The following ZBTB44 variants were observed in gnomAD, a reference collection of about 807,000 sequenced individuals.
ZBTB44 encodes zinc finger and BTB domain-containing protein 44.
ZBTB44 carries 15 observed loss-of-function variants against 54.0 expected under a neutral mutation model. The observed-to-expected ratio is 0.28, with a 90% confidence interval of 0.19 to 0.43. ZBTB44 has a LOEUF of 0.43. Ranked by LOEUF, ZBTB44 falls within the 20% of genes least tolerant of loss-of-function variation. The pLI is 1.00. For missense variants in ZBTB44, 487 were observed against 707.1 expected, an observed-to-expected ratio of 0.69 and a Z score of 3.53; for synonymous variants, 230 against 250.1, an observed-to-expected ratio of 0.92 and a Z score of 0.76.
At chr11:130,300,881 T>C (rs1341021638) in intron 1 of ZBTB44, among the ~76,000 whole-genome samples, 6 of 152,132 alleles carry the variant, frequency 3.9e-5, no homozygotes, top group Non-Finnish European at 8.8e-5. Context: ...GTTCTAAAAA[T>C]AGAGCAAGGG....
chr11:130,300,903 C>T (rs148153030), intron 1 of ZBTB44, among the ~76,000 whole-genome samples: 2 of 151,948 alleles, frequency 1.3e-5, no homozygotes, highest in Non-Finnish European at 2.9e-5. Context: ...GTTAGCTGGA[C>T]AAAAGTAAGG....
At chr11:130,295,801 T>A (rs574943222) in intron 1 of ZBTB44, 2 of 1,426,562 alleles carry the variant, frequency 1.4e-6, no homozygotes, top group East Asian at 4.6e-5. Flanking sequence ...CAGGAATGCA[T>A]GCGGAGTCCT....
At chr11:130,290,014 T>A (rs2134351205) in intron 1 of ZBTB44, among the ~76,000 whole-genome samples, 1 of 152,356 alleles carries the variant, frequency 6.6e-6, no homozygotes, top group Non-Finnish European at 1.5e-5. Flanking sequence ...CCCTTGAATT[T>A]GTGAATGATA....
chr11:130,308,522 T>C (rs1425853417), intron 1 of ZBTB44, among the ~76,000 whole-genome samples: 2 of 152,178 alleles, frequency 1.3e-5, no homozygotes, highest in Non-Finnish European at 2.9e-5. Context: ...AAGATACTAG[T>C]AGCAATGTCA....
intron 1 of ZBTB44, among the ~76,000 whole-genome samples, chr11:130,301,367 G>A (rs9971383): frequency 0.033 from 5,010 of 152,290 alleles, 255 homozygotes; most frequent in African/African-American, 0.11. Context: ...AAAATAACAC[G>A]TGGAGGCCGA....
intron 1 of ZBTB44, among the ~76,000 whole-genome samples, chr11:130,271,447 C>T (rs755971886): frequency 7.2e-5 from 11 of 152,140 alleles, no homozygotes; most frequent in African/African-American, 2.2e-4. Context: ...AAAGATTACT[C>T]GGGGTATGTC....
chr11:130,288,396 T>A (rs1221785665), intron 1 of ZBTB44, among the ~76,000 whole-genome samples: 176 of 149,946 alleles, frequency 1.2e-3, no homozygotes, highest in African/African-American at 4.2e-3. Flanking sequence ...AATAAATAAA[T>A]AAAATAAAAT....
intron 2 of ZBTB44, among the ~76,000 whole-genome samples, chr11:130,258,136 A>G (rs552004106): frequency 3.3e-5 from 5 of 152,250 alleles, no homozygotes; most frequent in Non-Finnish European, 4.4e-5. Context: ...ACTAAGGAAG[A>G]AAAAAGCAAC....
chr11:130,311,451 C>T (rs1261559204), intron 1 of ZBTB44, among the ~76,000 whole-genome samples: 1 of 152,118 alleles, frequency 6.6e-6, no homozygotes, highest in African/African-American at 2.4e-5. Flanking sequence ...TCAAGCAATC[C>T]TTCCACCTCG....
At chr11:130,238,638 G>C in intron 3 of ZBTB44, 31 bp from the exon 4 acceptor site, 1 of 1,591,200 alleles carries the variant, frequency 6.3e-7, no homozygotes, top group Non-Finnish European at 8.5e-7. Context: ...AAGGCAACCA[G>C]GCTCTGATTT....
rs375647972 is a variant in ZBTB44, at chr11:130,275,637, AT to A, written c.-56-13709del. On this transcript the variant is annotated intron_variant, in intron 1 of 7. Coordinates refer to ENST00000357899, the MANE Select transcript of ZBTB44 (RefSeq NM_001301098.2). ...CATATGGTCTCAGAACATAATCTCC[AT>A]TTTTTTTTGAGACAGAGTCTCACTC... is the stretch of plus-strand genomic sequence containing the variant. 8.7e-3 allele frequency among the ~76,000 whole-genome samples: 1,304 copies of A among 150,704 alleles called. 21 individuals carry two copies. The highest frequency in any genetic ancestry group is 0.029 in the African/African-American group (1,181 of 41,224).
At chr11:130,244,492 C>G (rs1591941343) in intron 2 of ZBTB44, among the ~76,000 whole-genome samples, 1 of 151,808 alleles carries the variant, frequency 6.6e-6, no homozygotes, top group Middle Eastern at 3.4e-3. Context: ...ACGGTGAAAC[C>G]CCATCTCTAC....
intron 1 of ZBTB44, among the ~76,000 whole-genome samples, chr11:130,287,983 A>C (rs1941070661): frequency 6.6e-6 from 1 of 151,924 alleles, no homozygotes; most frequent in East Asian, 1.9e-4. Context: ...AAAAAAAAGA[A>C]AGAAAAAGGC....
Position 130,230,472 on chromosome 11 carries a change from G to A in ZBTB44, c.*1292C>T, listed in dbSNP as rs1953838934. On this transcript the variant is annotated 3_prime_UTR_variant, in exon 8 of 8. Transcript: ENST00000357899. The stretch of plus-strand genomic sequence containing the variant: ...GAACAAAGGGCATGTGTCGTAACAG[G>A]GGATCTAATTACTGTAAGCCAGAAT... 1 of 143,272 alleles carries A rather than the reference G, an allele frequency of 7.0e-6. No homozygotes were observed. The highest frequency in any genetic ancestry group is 2.6e-5 in the African/African-American group (1 of 38,394). 8.9% of individuals were successfully genotyped at this position (143,272 alleles called of 1,614,324 possible). A position where few individuals can be genotyped will look rare whatever the true frequency, so the allele number is the denominator to read the frequency against.
At chr11:130,282,151 A>G (rs1049903942) in intron 1 of ZBTB44, among the ~76,000 whole-genome samples, 1 of 152,212 alleles carries the variant, frequency 6.6e-6, no homozygotes, top group African/African-American at 2.4e-5. Flanking sequence ...AATATACACA[A>G]AATTTACTGT....
intron 1 of ZBTB44, among the ~76,000 whole-genome samples, chr11:130,294,605 T>C (rs1164571918): frequency 6.7e-6 from 1 of 148,620 alleles, no homozygotes; most frequent in East Asian, 2.0e-4. Context: ...CACCCCATTA[T>C]GTTGTTGTTT....
chr11:130,306,369 G>T (rs1451698096), intron 1 of ZBTB44, among the ~76,000 whole-genome samples: 4 of 152,064 alleles, frequency 2.6e-5, no homozygotes, highest in Non-Finnish European at 5.9e-5. Context: ...GGGCGTGGTG[G>T]TGCATGCCTG....
chr11:130,248,911 C>T (rs886336314), intron 2 of ZBTB44, among the ~76,000 whole-genome samples: 2 of 152,068 alleles, frequency 1.3e-5, no homozygotes, highest in Non-Finnish European at 2.9e-5. Context: ...TGAGACCAAC[C>T]TGGCCCACAT....
chr11:130,249,205 ATATT>A (rs1483148988), intron 2 of ZBTB44, among the ~76,000 whole-genome samples: 13 of 152,272 alleles, frequency 8.5e-5, no homozygotes, highest in African/African-American at 3.1e-4. Context: ...AATATCTTAG[ATATT>A]TAGACAGATT....
Sources: gnomAD v4.1 joint callset for allele counts (sites outside exome capture counted in the v4.1 genomes callset) on GRCh38, gnomAD v4.1.1 for gene constraint, MANE v1.5 for transcripts, NCBI Gene and HGNC (gene_info 2026-07-23, HGNC 2026-07-21) for gene names.